Variants in CPAP observed in about 807,000 individuals in gnomAD.
CPAP encodes centrosomal P4.1-associated protein.
the CPAP span, among the ~76,000 whole-genome samples, chr13:24,896,253 G>A: frequency 3.3e-5 from 5 of 152,242 alleles, no homozygotes; most frequent in Admixed American, 6.5e-5. Flanking sequence ...TCATATAAAC[G>A]AACAAAGGCG....
the CPAP span, among the ~76,000 whole-genome samples, chr13:24,915,384 G>A: frequency 2.6e-5 from 4 of 152,164 alleles, no homozygotes; most frequent in African/African-American, 7.2e-5. Context: ...GCAGCTGGGT[G>A]CACTAGAATG....
the CPAP span, chr13:24,912,789 CTTCTG>C: frequency 6.2e-7 from 1 of 1,614,076 alleles, no homozygotes; most frequent in Non-Finnish European, 8.5e-7. Flanking sequence ...TTGACTCCAA[CTTCTG>C]TTCTTCAAGA....
the CPAP span, among the ~76,000 whole-genome samples, chr13:24,908,754 C>A: frequency 6.6e-6 from 1 of 150,480 alleles, no homozygotes; most frequent in East Asian, 1.9e-4. Flanking sequence ...TTGATTGGAT[C>A]CTTTAAAAAA....
the CPAP span, among the ~76,000 whole-genome samples, chr13:24,914,507 AACC>A: frequency 1.3e-5 from 2 of 152,130 alleles, no homozygotes; most frequent in Admixed American, 1.3e-4. Flanking sequence ...CATTATCCTC[AACC>A]TCTTCTCTGA....
the CPAP span, among the ~76,000 whole-genome samples, chr13:24,894,513 A>G: frequency 6.6e-6 from 1 of 152,236 alleles, no homozygotes. Flanking sequence ...GAATGACCGG[A>G]GGCCGCGCTG....
chr13:24,892,295 T>A, the CPAP span, among the ~76,000 whole-genome samples: 2 of 152,160 alleles, frequency 1.3e-5, no homozygotes, highest in Non-Finnish European at 2.9e-5. Flanking sequence ...ACCTCCTCCA[T>A]AGGAATTAGA....
chr13:24,906,708 C>A, the CPAP span: 1 of 1,614,204 alleles, frequency 6.2e-7, no homozygotes, highest in Non-Finnish European at 8.5e-7. Flanking sequence ...TTGGTTCTAG[C>A]TTTACTGTCC....
At chr13:24,892,361 G>T in the CPAP span, among the ~76,000 whole-genome samples, 1 of 152,304 alleles carries the variant, frequency 6.6e-6, no homozygotes, top group Non-Finnish European at 1.5e-5. Context: ...CATTTTAGTT[G>T]TGGTAAAATA....
At chr13:24,931,644 T>A in the CPAP span, among the ~76,000 whole-genome samples, 1 of 152,312 alleles carries the variant, frequency 6.6e-6, no homozygotes, top group East Asian at 1.9e-4. Flanking sequence ...GATCTGTATC[T>A]CCAGCCCTCG....
the CPAP span, chr13:24,912,602 G>A: frequency 1.2e-6 from 2 of 1,613,612 alleles, no homozygotes; most frequent in East Asian, 2.2e-5. Context: ...TTTTTAAAAA[G>A]TGGGTCTTTA....
chr13:24,933,024 A>C, the CPAP span: 3 of 1,588,124 alleles, frequency 1.9e-6, no homozygotes, highest in Non-Finnish European at 2.6e-6. Context: ...GAATCTTTGC[A>C]AATTGTATCT....
At chr13:24,891,580 G>A in the CPAP span, among the ~76,000 whole-genome samples, 4 of 151,756 alleles carry the variant, frequency 2.6e-5, no homozygotes, top group Non-Finnish European at 5.9e-5. Context: ...CACACACACA[G>A]CTCAACAACA....
chr13:24,891,352 C>A, the CPAP span, among the ~76,000 whole-genome samples: 4 of 152,082 alleles, frequency 2.6e-5, no homozygotes, highest in Non-Finnish European at 4.4e-5. Flanking sequence ...AGGTGTGTGT[C>A]CCCAACTGGA....
the CPAP span, chr13:24,907,190 G>A: frequency 6.2e-7 from 1 of 1,605,654 alleles, no homozygotes; most frequent in African/African-American, 1.3e-5. Context: ...CAGCTTTAAT[G>A]GGCCTAATTA....
the CPAP span, among the ~76,000 whole-genome samples, chr13:24,930,609 C>T: frequency 2.1e-4 from 32 of 152,300 alleles, no homozygotes; most frequent in African/African-American, 7.7e-4. Flanking sequence ...ACAATGGCCT[C>T]CAGTTGCATC....
the CPAP span, among the ~76,000 whole-genome samples, chr13:24,901,022 C>T: frequency 6.6e-6 from 1 of 152,050 alleles, no homozygotes; most frequent in Non-Finnish European, 1.5e-5. Context: ...GAGAGAACAA[C>T]GAGGCAGTGG....
chr13:24,923,059 G>A, the CPAP span, among the ~76,000 whole-genome samples: 1 of 152,234 alleles, frequency 6.6e-6, no homozygotes, highest in East Asian at 1.9e-4. Context: ...GGCGTGGCGG[G>A]GCGGAAAACC....
At chr13:24,907,884 T>C in the CPAP span, 1 of 686,446 alleles carries the variant, frequency 1.5e-6, no homozygotes, top group Non-Finnish European at 2.6e-6. Context: ...TAATAGGTTG[T>C]ATCTTTAACC....
At chr13:24,884,436 G>A in the CPAP span, 101 of 1,613,934 alleles carry the variant, frequency 6.3e-5, no homozygotes, top group Non-Finnish European at 8.0e-5. Context: ...AGTATAACAC[G>A]GCACCCATTC....
Sources: allele counts gnomAD v4.1 joint callset (sites outside exome capture counted in the v4.1 genomes callset), GRCh38; gene constraint gnomAD v4.1.1; transcripts MANE v1.5; gene names NCBI Gene and HGNC (gene_info 2026-07-23, HGNC 2026-07-21).